Variants in PCDH9 observed in about 807,000 individuals in gnomAD.
PCDH9 encodes the protein protocadherin-9.
In PCDH9, 24 loss-of-function variants were observed where a neutral mutation model predicts 70.6. That is an observed-to-expected ratio of 0.34 (90% confidence interval 0.25 to 0.48). The LOEUF (loss-of-function observed/expected upper bound fraction) is 0.48, where lower values mean the gene tolerates loss of function less well. PCDH9 is among the 20% of genes least tolerant of loss of function. PCDH9 has a pLI of 0.99. For missense variants in PCDH9, 1,281 were observed against 1,503.6 expected (o/e 0.85, Z 2.45); for synonymous variants, 562 against 558.5 (o/e 1.01, Z -0.09).
intron 3 of PCDH9, among the ~76,000 whole-genome samples, chr13:66,658,032 A>G (rs1287656925): frequency 6.6e-6 from 1 of 152,216 alleles, no homozygotes; most frequent in Non-Finnish European, 1.5e-5. Context: ...TAAGAAATCT[A>G]GAGATGATTT....
At chr13:66,470,723 T>TAA (rs78861607) in intron 4 of PCDH9, among the ~76,000 whole-genome samples, 37 of 137,120 alleles carry the variant, frequency 2.7e-4, no homozygotes, top group South Asian at 4.8e-4. Flanking sequence ...GCTCTGAAAT[T>TAA]AAAAAAAAAA....
intron 2 of PCDH9, among the ~76,000 whole-genome samples, chr13:66,986,349 C>A (rs1223601889): frequency 2.0e-5 from 3 of 151,970 alleles, no homozygotes; most frequent in African/African-American, 7.2e-5. Context: ...GGGACACAGG[C>A]AAACCATATC....
intron 4 of PCDH9, among the ~76,000 whole-genome samples, chr13:66,391,197 C>T (rs565630713): frequency 1.1e-4 from 17 of 152,056 alleles, no homozygotes; most frequent in East Asian, 3.9e-4. Flanking sequence ...AGGAAAATAA[C>T]GTCCAATAGT....
At chr13:66,659,389 G>C (rs565756598) in intron 3 of PCDH9, among the ~76,000 whole-genome samples, 1 of 152,148 alleles carries the variant, frequency 6.6e-6, no homozygotes, top group African/African-American at 2.4e-5. Flanking sequence ...CATCAGACTT[G>C]ATAATAAGTT....
At chr13:67,165,801 G>T (rs1035878895) in intron 2 of PCDH9, among the ~76,000 whole-genome samples, 1 of 152,108 alleles carries the variant, frequency 6.6e-6, no homozygotes, top group Non-Finnish European at 1.5e-5. Context: ...TTGTGAATTT[G>T]AAAAGGATTT....
Position 66,765,183 on chromosome 13 carries a change from G to A in PCDH9, c.3139-133772C>T, listed in dbSNP as rs1057304864. 1.3e-3 allele frequency among the ~76,000 whole-genome samples: 198 copies of A among 150,988 alleles called. 1 individual carries two copies. The highest frequency in any genetic ancestry group is 4.5e-3 in the African/African-American group (183 of 40,982). The stretch of plus-strand genomic sequence containing the variant: ...AAAATGAGCTCTGGCAGATCTAATC[G>A]AATCCATTACCAAGGCCTGAATTCT... On this transcript the variant is annotated intron_variant, in intron 3 of 4. Coordinates refer to ENST00000377865, the MANE Select transcript of PCDH9 (RefSeq NM_203487.3).
chr13:66,399,793 ATATCT>A (rs1957157573), intron 4 of PCDH9, among the ~76,000 whole-genome samples: 1 of 152,120 alleles, frequency 6.6e-6, no homozygotes, highest in Admixed American at 6.5e-5. Flanking sequence ...TAAAAAATAA[ATATCT>A]TAGTCTGGGT....
chr13:66,803,394 G>A (rs772050922), intron 3 of PCDH9, among the ~76,000 whole-genome samples: 2 of 152,002 alleles, frequency 1.3e-5, no homozygotes, highest in Non-Finnish European at 2.9e-5. Flanking sequence ...TATCCCTTTC[G>A]ACTCCCTCTA....
At chr13:67,057,234 G>T (rs1289051692) in intron 2 of PCDH9, among the ~76,000 whole-genome samples, 2 of 152,118 alleles carry the variant, frequency 1.3e-5, no homozygotes, top group African/African-American at 4.8e-5. Context: ...TGAAATGCAT[G>T]ATACAAAACA....
At chr13:67,207,752 T>A (rs187224084) in intron 2 of PCDH9, 5 of 152,222 alleles carry the variant, frequency 3.3e-5, no homozygotes, top group Admixed American at 1.3e-4. Context: ...CATGTTCACA[T>A]TTCTAGTAAT....
intron 4 of PCDH9, among the ~76,000 whole-genome samples, chr13:66,483,712 G>T (rs1958883732): frequency 6.6e-6 from 1 of 152,174 alleles, no homozygotes; most frequent in African/African-American, 2.4e-5. Context: ...GGAGACAAGT[G>T]CTGGGTAGAG....
intron 3 of PCDH9, among the ~76,000 whole-genome samples, chr13:66,691,384 T>C (rs1326501774): frequency 6.6e-6 from 1 of 152,126 alleles, no homozygotes; most frequent in African/African-American, 2.4e-5. Context: ...TCCATTGACA[T>C]AGTTAGAATA....
chr13:66,666,678 A>G (rs1288621183), intron 3 of PCDH9, among the ~76,000 whole-genome samples: 2 of 152,162 alleles, frequency 1.3e-5, no homozygotes, highest in Non-Finnish European at 2.9e-5. Flanking sequence ...GTTCTACAAT[A>G]TGTCAGAAAT....
chr13:66,329,113 A>G (rs1315223750), intron 4 of PCDH9, among the ~76,000 whole-genome samples: 2 of 152,222 alleles, frequency 1.3e-5, no homozygotes, highest in Non-Finnish European at 2.9e-5. Context: ...GTAAAGTTAT[A>G]GTAGAGGAAG....
chr13:66,721,705 A>G (rs1440834109), intron 3 of PCDH9, among the ~76,000 whole-genome samples: 1 of 152,196 alleles, frequency 6.6e-6, no homozygotes, highest in Non-Finnish European at 1.5e-5. Context: ...TCCCATTCTG[A>G]AATCAAGAAA....
chr13:66,434,448 C>T (rs1957831624), intron 4 of PCDH9, among the ~76,000 whole-genome samples: 1 of 152,052 alleles, frequency 6.6e-6, no homozygotes, highest in South Asian at 2.1e-4. Context: ...ATCACGTATT[C>T]ATTTGCTTAT....
intron 3 of PCDH9, among the ~76,000 whole-genome samples, chr13:66,899,791 G>A (rs1317442275): frequency 6.6e-6 from 1 of 152,078 alleles, no homozygotes; most frequent in Middle Eastern, 3.4e-3. Flanking sequence ...TTTAATCATT[G>A]CAATGTTTCT....
rs552342677 is a variant in PCDH9, at chr13:67,122,149, G to A, written c.3036+103256C>T. ...AAAATATGGCACTTAATTGTAAGCTGTAAGCATTCTCCTCACATGGTAGAG... is the reference window on the plus strand; with the variant it reads ...AAAATATGGCACTTAATTGTAAGCTATAAGCATTCTCCTCACATGGTAGAG... On this transcript the variant is annotated intron_variant, in intron 2 of 4. Coordinates refer to ENST00000377865, the MANE Select transcript of PCDH9 (RefSeq NM_203487.3). Among the ~76,000 whole-genome samples, 4 of 152,270 alleles carry A rather than the reference G, an allele frequency of 2.6e-5. No homozygotes were observed. In the East Asian group the frequency reaches 7.7e-4, roughly 29 times the overall value.
chr13:66,482,439 T>G (rs1189711929), intron 4 of PCDH9, among the ~76,000 whole-genome samples: 3 of 152,216 alleles, frequency 2.0e-5, no homozygotes, highest in African/African-American at 7.2e-5. Flanking sequence ...ACTTCTCATG[T>G]TGCTCTAATC....
Sources: gnomAD v4.1 joint callset for allele counts (sites outside exome capture counted in the v4.1 genomes callset) on GRCh38, gnomAD v4.1.1 for gene constraint, MANE v1.5 for transcripts, NCBI Gene and HGNC (gene_info 2026-07-23, HGNC 2026-07-21) for gene names.